The following KYNU variants were observed in gnomAD, a reference collection of about 807,000 sequenced individuals.
KYNU encodes L-kynurenine hydrolase.
Under a neutral mutation model 59.2 loss-of-function variants are expected in KYNU, and 54 were observed. The observed-to-expected ratio is 0.91, with a 90% CI of 0.73 to 1.14. The LOEUF (loss-of-function observed/expected upper bound fraction) is 1.14. KYNU is among the 50% of genes most tolerant of loss of function. The pLI is 0.00. For synonymous variants in KYNU, 177 were observed against 192.0 expected, an observed-to-expected ratio of 0.92 and a Z score of 0.65; for missense variants, 567 against 554.4, an observed-to-expected ratio of 1.02 and a Z score of -0.23.
chr2:142,916,624 G>A (rs1240922485), intron 2 of KYNU, among the ~76,000 whole-genome samples: 1 of 152,180 alleles, frequency 6.6e-6, no homozygotes, highest in Non-Finnish European at 1.5e-5. Flanking sequence ...ACACCTCTCA[G>A]TGTTTACTCA....
At chr2:143,040,711 G>A in intron 13 of KYNU, 53 bp downstream of exon 13, 1 of 1,150,126 alleles carries the variant, frequency 8.7e-7, no homozygotes, top group South Asian at 1.5e-5. Context: ...GCATGTTAGG[G>A]ATAAAATTTG....
intron 2 of KYNU, among the ~76,000 whole-genome samples, chr2:142,903,369 C>T (rs986291353): frequency 3.3e-5 from 5 of 151,980 alleles, no homozygotes; most frequent in Admixed American, 6.6e-5. Flanking sequence ...GTTCCTTTTC[C>T]TATGTTCAGG....
At chr2:142,943,671 A>T (rs1276195731) in intron 4 of KYNU, among the ~76,000 whole-genome samples, 1 of 152,198 alleles carries the variant, frequency 6.6e-6, no homozygotes, top group Non-Finnish European at 1.5e-5. Context: ...ATTCAAGGTT[A>T]TAAAAATGGT....
intron 10 of KYNU, among the ~76,000 whole-genome samples, chr2:143,012,099 C>T (rs867350695): frequency 1.3e-5 from 2 of 151,594 alleles, no homozygotes; most frequent in African/African-American, 4.8e-5. Flanking sequence ...TGGTTGTCCC[C>T]AAAGCGGAGG....
At chr2:142,915,392 C>A (rs1682635079) in intron 2 of KYNU, among the ~76,000 whole-genome samples, 1 of 152,186 alleles carries the variant, frequency 6.6e-6, no homozygotes, top group African/African-American at 2.4e-5. Context: ...CAGTGAGGAA[C>A]AAGAAAATAA....
Position 143,045,593 on chromosome 2 carries a change from A to T in KYNU, c.*3421A>T, listed in dbSNP as rs895378859. 1 of 152,158 alleles carries T rather than the reference A, an allele frequency of 6.6e-6. No homozygotes were observed. Among genetic ancestry groups the T allele is most frequent in the Non-Finnish European group, 1.5e-5 (1 of 68,062 alleles). 9.4% of individuals were successfully genotyped at this position (152,158 alleles called of 1,614,324 possible). A position where few individuals can be genotyped will look rare whatever the true frequency, so the allele number is the denominator to read the frequency against. On this transcript the variant is annotated 3_prime_UTR_variant, in exon 14 of 14. Transcript: ENST00000264170. ...CTAGGTATTTTATTCTCTTTGCAGC[A>T]ATTGTGAATGGGAGTTCACTCATGA...
chr2:142,977,371 G>GGATATATATATATATATATATATATATA (rs1684920101), intron 8 of KYNU, among the ~76,000 whole-genome samples: 1 of 75,242 alleles, frequency 1.3e-5, no homozygotes, highest in Non-Finnish European at 2.7e-5. Context: ...AATTTTGTGT[G>GGATATATATATATATATATATATATATA]GATATATATA....
chr2:142,907,487 C>A (rs184339955), intron 2 of KYNU, among the ~76,000 whole-genome samples: 3 of 152,110 alleles, frequency 2.0e-5, no homozygotes, highest in African/African-American at 7.2e-5. Context: ...GAGTCAATGG[C>A]GGGTCTGCAA....
At chr2:142,938,290 T>C (rs930718774) in intron 4 of KYNU, among the ~76,000 whole-genome samples, 2 of 152,214 alleles carry the variant, frequency 1.3e-5, no homozygotes, top group Non-Finnish European at 2.9e-5. Flanking sequence ...AAGAAAATCC[T>C]TAACCAAATT....
chr2:143,052,678 G>C lies in KYNU; in HGVS notation c.*10506G>C, dbSNP rs1277824885. On this transcript the variant is annotated 3_prime_UTR_variant, in exon 14 of 14. Coordinates refer to ENST00000264170, the MANE Select transcript of KYNU (RefSeq NM_003937.3). ...TGGGTTCACAGAAGTCAAGAACTGA[G>C]GTTTGGGAACTTACACCAAGATTTC... is the stretch of plus-strand genomic sequence containing the variant. 1 of 152,260 alleles carries C rather than the reference G, an allele frequency of 6.6e-6. No homozygotes were observed. The highest frequency in any genetic ancestry group is 1.5e-5 in the Non-Finnish European group (1 of 68,064). 9.4% of individuals were successfully genotyped at this position (152,260 alleles called of 1,614,324 possible).
At chr2:142,920,931 C>A (rs753559180) in intron 3 of KYNU, among the ~76,000 whole-genome samples, 5 of 152,154 alleles carry the variant, frequency 3.3e-5, no homozygotes, top group African/African-American at 4.8e-5. Context: ...TTTTTACCTC[C>A]CAAATATTTA....
chr2:142,881,877 A>G (rs1254357283), intron 1 of KYNU, among the ~76,000 whole-genome samples: 4 of 150,024 alleles, frequency 2.7e-5, no homozygotes, highest in African/African-American at 7.4e-5. Context: ...CCACAGGTGC[A>G]TGCCAGTGCC....
intron 10 of KYNU, among the ~76,000 whole-genome samples, chr2:143,019,273 T>C (rs1372787432): frequency 6.6e-6 from 1 of 152,194 alleles, no homozygotes; most frequent in African/African-American, 2.4e-5. Flanking sequence ...TGTGGGTTTG[T>C]CATCTATGGC....
In KYNU at chr2:142,929,273, G is replaced by C. The variant is rs551358328; in HGVS notation, c.373+1532G>C. Among the ~76,000 whole-genome samples, 30 of 149,520 alleles carry C rather than the reference G, an allele frequency of 2.0e-4. 1 individual carries two copies. The South Asian group carries it at 6.1e-3, about 30-fold the overall frequency. On this transcript the variant is annotated intron_variant, in intron 4 of 13. Coordinates refer to ENST00000264170, the MANE Select transcript of KYNU (RefSeq NM_003937.3). ...AAAAAAAAATTACAAAGTCTAAACT[G>C]CAGAGGACAAAATAGAATGCCAAAG...
chr2:142,984,388 G>A (rs1228353823), intron 8 of KYNU, among the ~76,000 whole-genome samples: 2 of 151,826 alleles, frequency 1.3e-5, no homozygotes. Context: ...TTTATCATTG[G>A]CAGCAAATAT....
At chr2:142,918,425 T>G (rs990207906) in intron 2 of KYNU, among the ~76,000 whole-genome samples, 184 bp from the exon 3 acceptor site, 1 of 152,188 alleles carries the variant, frequency 6.6e-6, no homozygotes, top group Non-Finnish European at 1.5e-5. Flanking sequence ...TTAAATTATA[T>G]TTTAAATGTA....
chr2:143,013,849 T>C (rs921493878), intron 10 of KYNU, among the ~76,000 whole-genome samples: 7 of 152,216 alleles, frequency 4.6e-5, no homozygotes, highest in East Asian at 1.9e-4. Context: ...CTGGAGTACA[T>C]TGAGATGTGC....
Position 142,966,330 on chromosome 2 carries a change from G to A in KYNU, c.729+5560G>A, listed in dbSNP as rs78684432. Among the ~76,000 whole-genome samples, 517 of 152,286 alleles carry A rather than the reference G, an allele frequency of 3.4e-3. 3 individuals are homozygous for A. Among genetic ancestry groups the A allele is most frequent in the African/African-American group, 0.012 (488 of 41,578 alleles). ...TCAGGTTTCCAAAAGATTCATGGTTGTGTCCTTTGGCTTTTGTGTCCACAG... is the reference window on the plus strand; with the variant it reads ...TCAGGTTTCCAAAAGATTCATGGTTATGTCCTTTGGCTTTTGTGTCCACAG... On this transcript the variant is annotated intron_variant, in intron 8 of 13. Transcript: ENST00000264170.
intron 10 of KYNU, among the ~76,000 whole-genome samples, chr2:143,022,002 C>T (rs1686423690): frequency 2.0e-5 from 3 of 151,698 alleles, no homozygotes; most frequent in East Asian, 1.9e-4. Flanking sequence ...ATTAATTTTC[C>T]ACCAGACTAC....
Sources: gnomAD v4.1 joint callset for allele counts (sites outside exome capture counted in the v4.1 genomes callset) on GRCh38, gnomAD v4.1.1 for gene constraint, MANE v1.5 for transcripts, NCBI Gene and HGNC (gene_info 2026-07-23, HGNC 2026-07-21) for gene names.